The following RBFOX1 variants were observed in gnomAD, a reference collection of about 807,000 sequenced individuals.
RBFOX1 encodes RNA binding protein fox-1 homolog 1.
Under a neutral mutation model 57.7 loss-of-function variants are expected in RBFOX1, and 8 were observed. The observed-to-expected ratio is 0.14, with a 90% CI of 0.08 to 0.25. The LOEUF is 0.25. Ranked by LOEUF, RBFOX1 falls within the 10% of genes least tolerant of loss-of-function variation. The pLI is 1.00. For synonymous variants in RBFOX1, 326 were observed against 222.4 expected (o/e 1.47, Z -4.15); for missense variants, 611 against 548.5 (o/e 1.11, Z -1.14).
intron 5 of RBFOX1, among the ~76,000 whole-genome samples, chr16:7,551,979 C>T (rs1384825993): frequency 3.3e-5 from 5 of 152,172 alleles, no homozygotes; most frequent in African/African-American, 1.2e-4. Flanking sequence ...TGTGCAAAGG[C>T]CGTGTGTCCA....
chr16:5,592,815 G>A (rs1051938631), intron 2 of RBFOX1, among the ~76,000 whole-genome samples: 1 of 152,176 alleles, frequency 6.6e-6, no homozygotes, highest in Admixed American at 6.6e-5. Context: ...TTGGCGTCCA[G>A]AATTCCCAAG....
intron 3 of RBFOX1, among the ~76,000 whole-genome samples, chr16:6,939,905 A>T (rs546877447): frequency 2.5e-4 from 38 of 152,200 alleles, no homozygotes; most frequent in Admixed American, 2.5e-3. Flanking sequence ...TTCACTCCAT[A>T]AATGCATAAT....
intron 4 of RBFOX1, among the ~76,000 whole-genome samples, chr16:5,975,055 C>T (rs955413922): frequency 6.6e-6 from 1 of 152,138 alleles, no homozygotes; most frequent in African/African-American, 2.4e-5. Context: ...AAACCAAAAT[C>T]ACTTTAAAAA....
chr16:7,127,804 T>A (rs750602946), intron 4 of RBFOX1, among the ~76,000 whole-genome samples: 7 of 152,240 alleles, frequency 4.6e-5, no homozygotes, highest in Non-Finnish European at 1.0e-4. Context: ...CTTGGTAGGA[T>A]GACCTGACTG....
intron 1 of RBFOX1, among the ~76,000 whole-genome samples, chr16:5,373,514 T>C (rs1383151633): frequency 6.6e-6 from 1 of 152,138 alleles, no homozygotes. Context: ...TGTTCCCTCT[T>C]TGCCTTCCAC....
chr16:6,875,372 A>T (rs953267290), intron 3 of RBFOX1, among the ~76,000 whole-genome samples: 1 of 152,136 alleles, frequency 6.6e-6, no homozygotes, highest in African/African-American at 2.4e-5. Flanking sequence ...CTCCTGTCCA[A>T]TATGACCTAC....
At chr16:5,466,158 C>G (rs1177668868) in intron 1 of RBFOX1, among the ~76,000 whole-genome samples, 1 of 152,236 alleles carries the variant, frequency 6.6e-6, no homozygotes, top group Non-Finnish European at 1.5e-5. Flanking sequence ...GAAGCGCAAG[C>G]TTGCGTCAGA....
intron 1 of RBFOX1, among the ~76,000 whole-genome samples, chr16:5,271,230 T>A (rs1330299662): frequency 6.6e-6 from 1 of 151,950 alleles, no homozygotes; most frequent in Non-Finnish European, 1.5e-5. Flanking sequence ...GGCATGTGCC[T>A]GTAGTCTCAG....
chr16:5,310,942 C>A (rs991195120), intron 1 of RBFOX1, among the ~76,000 whole-genome samples: 2 of 152,162 alleles, frequency 1.3e-5, no homozygotes, highest in African/African-American at 4.8e-5. Flanking sequence ...GCACCTATCA[C>A]CTGAGTAGTG....
chr16:5,999,062 C>G (rs983665754), intron 4 of RBFOX1, among the ~76,000 whole-genome samples: 1 of 152,196 alleles, frequency 6.6e-6, no homozygotes, highest in African/African-American at 2.4e-5. Flanking sequence ...GACCTCTGTT[C>G]AAGGAGCATG....
chr16:6,573,851 A>G (rs1236842168), intron 2 of RBFOX1: 2 of 152,104 alleles, frequency 1.3e-5, no homozygotes, highest in South Asian at 2.1e-4. Flanking sequence ...TCGCAGCGAC[A>G]CTCCGGCAGC....
chr16:6,445,870 T>G (rs1310350930), intron 2 of RBFOX1, among the ~76,000 whole-genome samples: 1 of 151,822 alleles, frequency 6.6e-6, no homozygotes, highest in Non-Finnish European at 1.5e-5. Context: ...CGTGAGCCAC[T>G]GCGCCCGGCC....
rs61556349 is a variant in RBFOX1, at chr16:7,197,998, C to CTTTCTTTCTTTTTTTTTTTTTTTTTTTTT, written c.27+145903_27+145904insCTTTCTTTTTTTTTTTTTTTTTTTTTTTT. On this transcript the variant is annotated intron_variant, in intron 4 of 15. Transcript: ENST00000550418. ...TCATACCTTGTGGTTTTCTTTCTTT[C>CTTTCTTTCTTTTTTTTTTTTTTTTTTTTT]TTTTTTTTTTTTTTTTTTTTTTTTT... Among the ~76,000 whole-genome samples the CTTTCTTTCTTTTTTTTTTTTTTTTTTTTT allele has an allele frequency of 7.2e-5, 4 of 55,592 alleles. 1 individual carries two copies. The highest frequency in any genetic ancestry group is 1.3e-4 in the Non-Finnish European group (4 of 31,252). 36.5% of individuals were successfully genotyped at this position (55,592 alleles called of 152,430 possible).
intron 3 of RBFOX1, among the ~76,000 whole-genome samples, chr16:6,742,569 A>G (rs1042356925): frequency 6.6e-5 from 10 of 152,194 alleles, no homozygotes; most frequent in African/African-American, 2.2e-4. Flanking sequence ...TGAGTCAAAA[A>G]CTGGAAACAA....
chr16:6,776,525 G>T (rs1273287667), intron 3 of RBFOX1, among the ~76,000 whole-genome samples: 2 of 152,142 alleles, frequency 1.3e-5, no homozygotes, highest in African/African-American at 4.8e-5. Context: ...AGGAACCTTG[G>T]CTAGAATTAC....
intron 1 of RBFOX1, among the ~76,000 whole-genome samples, chr16:5,328,818 G>A (rs1324064755): frequency 2.0e-5 from 3 of 152,186 alleles, no homozygotes; most frequent in African/African-American, 7.2e-5. Flanking sequence ...ACGAGAATGT[G>A]AAATTCACAA....
At chr16:5,821,081 G>C (rs186023712) in intron 3 of RBFOX1, among the ~76,000 whole-genome samples, 2 of 152,120 alleles carry the variant, frequency 1.3e-5, no homozygotes, top group Non-Finnish European at 2.9e-5. Flanking sequence ...GCTCCTACCA[G>C]GGTCTCTGCA....
chr16:5,999,910 G>A (rs369039222), intron 4 of RBFOX1, among the ~76,000 whole-genome samples: 6 of 27,550 alleles, frequency 2.2e-4, no homozygotes, highest in Non-Finnish European at 3.3e-4. Context: ...AAAAAAAAGA[G>A]TGAAGAAGGG....
At chr16:7,314,605 C>T (rs772531087) in intron 4 of RBFOX1, among the ~76,000 whole-genome samples, 1 of 152,070 alleles carries the variant, frequency 6.6e-6, no homozygotes, top group Non-Finnish European at 1.5e-5. Flanking sequence ...CATCACGGTC[C>T]TATTTGTTTC....
Sources: gnomAD v4.1 joint callset for allele counts (sites outside exome capture counted in the v4.1 genomes callset) on GRCh38, gnomAD v4.1.1 for gene constraint, MANE v1.5 for transcripts, NCBI Gene and HGNC (gene_info 2026-07-23, HGNC 2026-07-21) for gene names.